The following BCAS3 variants were observed in gnomAD, a reference collection of about 807,000 sequenced individuals.
BCAS3 encodes the protein BCAS4/BCAS3 fusion.
Under a neutral mutation model 116.1 loss-of-function variants are expected in BCAS3, and 53 were observed. The ratio of observed to expected loss-of-function variants is 0.46; its 90% CI spans 0.37 to 0.57. The LOEUF (loss-of-function observed/expected upper bound fraction) is 0.57, where lower values mean the gene tolerates loss of function less well. Ranked by LOEUF, BCAS3 falls within the 20% of genes least tolerant of loss-of-function variation. The pLI is 0.00. For synonymous variants in BCAS3, 391 were observed against 408.2 expected (o/e 0.96, Z 0.51); for missense variants, 917 against 1,165.4 (o/e 0.79, Z 3.10).
chr17:60,849,564 A>G (rs1479651671), intron 7 of BCAS3, among the ~76,000 whole-genome samples: 2 of 152,180 alleles, frequency 1.3e-5, no homozygotes, highest in East Asian at 1.9e-4. Flanking sequence ...AAAAAAGTTT[A>G]TAAAGAGATT....
intron 7 of BCAS3, among the ~76,000 whole-genome samples, chr17:60,848,823 T>C (rs7217510): frequency 0.28 from 42,666 of 150,746 alleles, 9,682 homozygotes; most frequent in African/African-American, 0.63. Context: ...TTCAGCCCCC[T>C]GAAGTAGCTG....
intron 6 of BCAS3, among the ~76,000 whole-genome samples, chr17:60,775,964 G>A (rs2045245750): frequency 6.6e-6 from 1 of 152,196 alleles, no homozygotes; most frequent in South Asian, 2.1e-4. Context: ...GCTCAAAGTG[G>A]AGAGGAGAAA....
rs929949555 is a variant in BCAS3, at chr17:61,313,623, C to T, written c.2426-54704C>T. ...ACAGAGCTTGGACTCGGGTCCAGCT[C>T]GGCGTCCTCCCTCGGGTCCTGCTCG... is the stretch of plus-strand genomic sequence containing the variant. On this transcript the variant is annotated intron_variant, in intron 22 of 23. Transcript: ENST00000407086. This position sits in a 1 kb window ranked among gnomAD's most constrained non-coding sequence, Gnocchi z 4.3. Among the ~76,000 whole-genome samples, 4 of 152,162 alleles carry T rather than the reference C, an allele frequency of 2.6e-5. No homozygotes were observed. Among genetic ancestry groups the T allele is most frequent in the Non-Finnish European group, 5.9e-5 (4 of 68,018 alleles).
chr17:61,242,048 G>A (rs950071693), intron 22 of BCAS3, among the ~76,000 whole-genome samples: 3 of 152,002 alleles, frequency 2.0e-5, no homozygotes, highest in African/African-American at 4.8e-5. Flanking sequence ...AGGCCGAGGC[G>A]GGCAGATCAC....
intron 22 of BCAS3, among the ~76,000 whole-genome samples, chr17:61,342,616 C>G (rs2057242942): frequency 6.6e-6 from 1 of 152,228 alleles, no homozygotes; most frequent in Admixed American, 6.5e-5. Flanking sequence ...GCCTCAGTTG[C>G]TCAGTCATGC....
Position 61,326,900 on chromosome 17 carries a change from C to T in BCAS3, c.2426-41427C>T, listed in dbSNP as rs887194315. On this transcript the variant is annotated intron_variant, in intron 22 of 23. Transcript: ENST00000407086. The surrounding 1 kb of genome is among the most constrained non-coding windows in gnomAD (Gnocchi z 5.3). ...ACACCATCTCTCCCTTTAGGCAACT[C>T]AAAATCTATTTGTATTTGTTGTTAG... is the stretch of plus-strand genomic sequence containing the variant. 6.6e-6 allele frequency among the ~76,000 whole-genome samples: 1 copy of T among 151,390 alleles called. No individual in the cohort carries two copies. The highest frequency in any genetic ancestry group is 6.6e-5 in the Admixed American group (1 of 15,202).
At position 61,388,704 on chromosome 17, in the gene BCAS3, G is replaced by A. The variant is rs780477920; in HGVS notation, c.2594-3273G>A. On this transcript the variant is annotated intron_variant, in intron 23 of 23. Coordinates refer to ENST00000407086, the MANE Select transcript of BCAS3 (RefSeq NM_017679.5). This position sits in a 1 kb window ranked among gnomAD's most constrained non-coding sequence, Gnocchi z 6.5. ...TAACAAAGCATGCGTTCGGGATGGA[G>A]GAAGGTAAGGCCACACGTTTCCATT... The A allele has an allele frequency of 5.2e-6, 8 of 1,549,598 alleles. No individual in the cohort carries two copies. In the Admixed American group the frequency reaches 1.3e-4, roughly 26 times the overall value.
intron 3 of BCAS3, chr17:60,687,967 C>T (rs1285537761): frequency 6.6e-6 from 1 of 152,122 alleles, no homozygotes; most frequent in Non-Finnish European, 1.5e-5. Context: ...TTCAAGAATC[C>T]CAATACACTG....
In BCAS3 at chr17:61,044,234, T is replaced by G. The variant is rs142084703; in HGVS notation, c.2029+3342T>G. ...AGACCAAGGCCGGCAGATCACGAGTTCAGGAGATCGAGACCATCCTGGCTA... is the reference window on the plus strand; with the variant it reads ...AGACCAAGGCCGGCAGATCACGAGTGCAGGAGATCGAGACCATCCTGGCTA... On this transcript the variant is annotated intron_variant, in intron 19 of 23. Coordinates refer to ENST00000407086, the MANE Select transcript of BCAS3 (RefSeq NM_017679.5). 2.0e-3 allele frequency among the ~76,000 whole-genome samples: 309 copies of G among 151,844 alleles called. 5 individuals carry two copies. In the East Asian group the frequency reaches 0.032, roughly 16 times the overall value.
chr17:61,218,214 C>T lies in BCAS3; in HGVS notation c.2425+133650C>T, dbSNP rs114791481. Among the ~76,000 whole-genome samples the T allele has an allele frequency of 4.2e-3, 646 of 152,260 alleles. 3 individuals carry two copies. Among genetic ancestry groups the T allele is most frequent in the African/African-American group, 0.015 (606 of 41,544 alleles). On this transcript the variant is annotated intron_variant, in intron 22 of 23. Coordinates refer to ENST00000407086, the MANE Select transcript of BCAS3 (RefSeq NM_017679.5). ...CAGTCTGAAGTCCCCTCTCTACTGCCGCATTCCAAGGCTGCTGTGAGCCCA... is the reference window on the plus strand; with the variant it reads ...CAGTCTGAAGTCCCCTCTCTACTGCTGCATTCCAAGGCTGCTGTGAGCCCA...
At chr17:61,269,122 T>C (rs1036691568) in intron 22 of BCAS3, among the ~76,000 whole-genome samples, 2 of 151,806 alleles carry the variant, frequency 1.3e-5, no homozygotes, top group African/African-American at 4.8e-5. Context: ...CTTTTCTTTT[T>C]TTTTTTTTTG....
intron 19 of BCAS3, among the ~76,000 whole-genome samples, chr17:61,062,985 G>A (rs927669870): frequency 1.3e-5 from 2 of 152,178 alleles, no homozygotes; most frequent in African/African-American, 4.8e-5. Context: ...GAGGACTCTG[G>A]TGAAGCTTTC....
rs535152045 is a variant in BCAS3, at chr17:61,140,953, TC to T, written c.2425+56394del. ...TTTGTCCATTTGAGTGTTTTTTTTT[TC>T]CCCCAAAAGTATAATAGTGAAATGG... is the stretch of plus-strand genomic sequence containing the variant. On this transcript the variant is annotated intron_variant, in intron 22 of 23. Transcript: ENST00000407086. This position sits in a 1 kb window ranked among gnomAD's most constrained non-coding sequence, Gnocchi z 4.2. 1.6e-3 allele frequency among the ~76,000 whole-genome samples: 242 copies of T among 152,002 alleles called. No individual in the cohort carries two copies. Among genetic ancestry groups the T allele is most frequent in the Middle Eastern group, 6.8e-3 (2 of 294 alleles).
chr17:61,234,961 C>T (rs906072428), intron 22 of BCAS3, among the ~76,000 whole-genome samples: 2 of 152,102 alleles, frequency 1.3e-5, no homozygotes, highest in African/African-American at 4.8e-5. Context: ...GATCTCGGCT[C>T]ACTGCAACTT....
chr17:61,236,115 C>G (rs767174177), intron 22 of BCAS3, among the ~76,000 whole-genome samples: 11 of 152,140 alleles, frequency 7.2e-5, no homozygotes, highest in African/African-American at 9.7e-5. Context: ...CTCCGCAGGA[C>G]TCAGTTTAAC....
chr17:60,914,438 T>C (rs888635518), intron 12 of BCAS3, among the ~76,000 whole-genome samples: 4 of 152,166 alleles, frequency 2.6e-5, no homozygotes, highest in Non-Finnish European at 5.9e-5. Flanking sequence ...GAATACTCAA[T>C]GCCAGTTGTA....
intron 7 of BCAS3, among the ~76,000 whole-genome samples, chr17:60,858,575 T>A (rs1043065918): frequency 6.6e-6 from 1 of 152,200 alleles, no homozygotes; most frequent in African/African-American, 2.4e-5. Flanking sequence ...TGATGGACAT[T>A]TAATTGTTTC....
At chr17:61,046,462 C>T (rs1206464547) in intron 19 of BCAS3, among the ~76,000 whole-genome samples, 1 of 151,716 alleles carries the variant, frequency 6.6e-6, no homozygotes, top group Non-Finnish European at 1.5e-5. Flanking sequence ...CACAGATGCT[C>T]AAGTCCCTGA....
intron 13 of BCAS3, among the ~76,000 whole-genome samples, chr17:60,937,587 G>A (rs2060002085): frequency 6.6e-6 from 1 of 152,188 alleles, no homozygotes; most frequent in South Asian, 2.1e-4. Context: ...GAAATACACA[G>A]AATGCCCTTC....
Sources: allele counts gnomAD v4.1 joint callset (sites outside exome capture counted in the v4.1 genomes callset), GRCh38; gene constraint gnomAD v4.1.1; non-coding constraint Gnocchi (gnomAD v3.1); transcripts MANE v1.5; gene names NCBI Gene and HGNC (gene_info 2026-07-23, HGNC 2026-07-21).